Variants in PTPRN2 observed in about 807,000 individuals in gnomAD.
The protein encoded by PTPRN2 is receptor-type tyrosine-protein phosphatase N2.
PTPRN2 carries 74 observed loss-of-function variants against 118.8 expected under a neutral mutation model. The ratio of observed to expected loss-of-function variants is 0.62; its 90% CI spans 0.52 to 0.76. The LOEUF is 0.76. Among genes scored for constraint, PTPRN2 ranks in the 30% least tolerant of loss-of-function variants. PTPRN2 has a pLI of 0.00. For synonymous variants in PTPRN2, 641 were observed against 608.0 expected, an observed-to-expected ratio of 1.05 and a Z score of -0.80; for missense variants, 1,481 against 1,394.4, an observed-to-expected ratio of 1.06 and a Z score of -0.99.
chr7:158,483,448 A>G (rs1278325364), intron 2 of PTPRN2, among the ~76,000 whole-genome samples: 1 of 152,218 alleles, frequency 6.6e-6, no homozygotes, highest in East Asian at 1.9e-4. Context: ...CATAGCTTCA[A>G]AGAATTAGGG....
chr7:157,736,644 G>A (rs550111741), intron 12 of PTPRN2, among the ~76,000 whole-genome samples: 2 of 151,414 alleles, frequency 1.3e-5, no homozygotes, highest in Admixed American at 6.6e-5. Flanking sequence ...TCCTGGGCAC[G>A]GCCACCCGTG....
intron 2 of PTPRN2, among the ~76,000 whole-genome samples, chr7:158,466,274 C>G (rs1321869864): frequency 6.6e-6 from 1 of 152,164 alleles, no homozygotes; most frequent in Non-Finnish European, 1.5e-5. Context: ...TCCCACAAAA[C>G]TGCAGCTTCC....
chr7:157,916,011 G>T (rs981353652), intron 11 of PTPRN2, among the ~76,000 whole-genome samples: 4 of 152,112 alleles, frequency 2.6e-5, no homozygotes, highest in African/African-American at 9.7e-5. Context: ...AAACCTCAGG[G>T]GAGGCTAAAT....
At chr7:158,337,752 A>G (rs1805966277) in intron 2 of PTPRN2, among the ~76,000 whole-genome samples, 1 of 139,440 alleles carries the variant, frequency 7.2e-6, no homozygotes, top group Admixed American at 7.1e-5. Context: ...CTCTCACCAT[A>G]AGAGGTGACA....
At chr7:157,660,177 T>C (rs139270269) in intron 13 of PTPRN2, among the ~76,000 whole-genome samples, 247 of 152,240 alleles carry the variant, frequency 1.6e-3, no homozygotes, top group African/African-American at 5.6e-3. Context: ...AACCAAAGCA[T>C]GAGAACAGCT....
At chr7:158,265,394 CCACCTGCGGGCACA>C (rs1230248198) in intron 3 of PTPRN2, among the ~76,000 whole-genome samples, 1 of 151,888 alleles carries the variant, frequency 6.6e-6, no homozygotes, top group Non-Finnish European at 1.5e-5. Context: ...AGGCAGGCAC[CCACCTGCGGGCACA>C]CACCTGTGGG....
intron 2 of PTPRN2, among the ~76,000 whole-genome samples, chr7:158,333,761 A>G (rs1350825863): frequency 3.4e-5 from 5 of 145,194 alleles, no homozygotes; most frequent in African/African-American, 1.0e-4. Flanking sequence ...AAGAGCTGAC[A>G]CCCGCAGACA....
chr7:157,891,118 A>G (rs1796774860), intron 12 of PTPRN2, among the ~76,000 whole-genome samples: 1 of 152,196 alleles, frequency 6.6e-6, no homozygotes, highest in Non-Finnish European at 1.5e-5. Context: ...GCGGGCAGGA[A>G]ATCTGCATCT....
intron 2 of PTPRN2, among the ~76,000 whole-genome samples, chr7:158,372,322 A>AAC (rs1363113232): frequency 6.8e-6 from 1 of 146,542 alleles, no homozygotes; most frequent in Non-Finnish European, 1.5e-5. Flanking sequence ...TGGTCCCCGG[A>AAC]GCTGGTCCCC....
At chr7:157,667,655 A>G (rs1796210250) in intron 13 of PTPRN2, among the ~76,000 whole-genome samples, 1 of 152,220 alleles carries the variant, frequency 6.6e-6, no homozygotes, top group African/African-American at 2.4e-5. Flanking sequence ...GCATTTTTAA[A>G]GAAGATGGTG....
rs1802286339 is a variant in PTPRN2, at chr7:157,610,826, G to A, written c.2345-6751C>T. ...ACACGCTCCTGTCCTTAGTCAGCAG[G>A]CAGACATTCTGCTTCCAACTATGCC... On this transcript the variant is annotated intron_variant, in intron 15 of 22. Transcript: ENST00000389418. This position sits in a 1 kb window ranked among gnomAD's most constrained non-coding sequence, Gnocchi z 5.1. Among the ~76,000 whole-genome samples the A allele has an allele frequency of 6.6e-6, 1 of 152,202 alleles. No homozygotes were observed. The highest frequency in any genetic ancestry group is 2.4e-5 in the African/African-American group (1 of 41,446).
At chr7:157,812,163 C>A (rs927642362) in intron 12 of PTPRN2, among the ~76,000 whole-genome samples, 1 of 152,278 alleles carries the variant, frequency 6.6e-6, no homozygotes, top group East Asian at 1.9e-4. Flanking sequence ...CTGCTCTGGC[C>A]AAGGCAGGGG....
At chr7:157,561,500 C>A (rs1223051451) in intron 21 of PTPRN2, among the ~76,000 whole-genome samples, 1 of 152,248 alleles carries the variant, frequency 6.6e-6, no homozygotes, top group Non-Finnish European at 1.5e-5. Context: ...GTCCCTGGGG[C>A]CGTGTGCCTT....
chr7:158,174,883 C>A (rs114513220), intron 5 of PTPRN2, among the ~76,000 whole-genome samples: 1 of 152,146 alleles, frequency 6.6e-6, no homozygotes, highest in Non-Finnish European at 1.5e-5. Context: ...TGACTCTCCT[C>A]GCTCCCAACT....
chr7:157,734,161 C>G lies in PTPRN2; in HGVS notation c.1789-51224G>C, dbSNP rs1006653478. The stretch of plus-strand genomic sequence containing the variant: ...GTCCCAGGCGCCCAGCACAGTTACT[C>G]TTTTCCACCCCATGCACCCAGCACA... On this transcript the variant is annotated intron_variant, in intron 12 of 22. Transcript: ENST00000389418. 2.2e-5 allele frequency among the ~76,000 whole-genome samples: 3 copies of G among 139,362 alleles called. 1 individual carries two copies. The highest frequency in any genetic ancestry group is 4.6e-5 in the Non-Finnish European group (3 of 65,794). The allele number at this position is 139,362 out of a possible 152,430, so 91.4% of individuals were successfully genotyped here.
rs1809234053 is a variant in PTPRN2 at position 157,850,955 on chromosome 7, C to G, written c.1788+47718G>C. ...TTCCCTATTCTTGGTTTACCCAAAG[C>G]AAAGCGAGTTCTTGCTGGGGTGAAG... On this transcript the variant is annotated intron_variant, in intron 12 of 22. Transcript: ENST00000389418. 1.3e-5 allele frequency among the ~76,000 whole-genome samples: 2 copies of G among 152,188 alleles called. 1 individual carries two copies. Among genetic ancestry groups the G allele is most frequent in the Admixed American group, 1.3e-4 (2 of 15,282 alleles).
intron 11 of PTPRN2, among the ~76,000 whole-genome samples, chr7:158,005,663 C>T (rs572775729): frequency 7.2e-5 from 11 of 152,256 alleles, no homozygotes; most frequent in South Asian, 6.2e-4. Flanking sequence ...GAAGCATCTG[C>T]GGTGAGGCCT....
intron 3 of PTPRN2, among the ~76,000 whole-genome samples, chr7:158,230,774 AC>A (rs771782959): frequency 2.0e-5 from 3 of 152,252 alleles, no homozygotes; most frequent in Non-Finnish European, 4.4e-5. Context: ...ATGAGGAGTT[AC>A]AAAACAATGA....
At chr7:158,272,845 G>C in intron 3 of PTPRN2, among the ~76,000 whole-genome samples, 1 of 152,194 alleles carries the variant, frequency 6.6e-6, no homozygotes, top group East Asian at 1.9e-4. Context: ...CTGAGTGGAT[G>C]GAAGGATCAG....
Sources: allele counts gnomAD v4.1 joint callset (sites outside exome capture counted in the v4.1 genomes callset), GRCh38; gene constraint gnomAD v4.1.1; non-coding constraint Gnocchi (gnomAD v3.1); transcripts MANE v1.5; gene names NCBI Gene and HGNC (gene_info 2026-07-23, HGNC 2026-07-21).